ARHGAP6: variants seen among roughly 807,000 people sequenced by gnomAD.
The protein encoded by ARHGAP6 is rho GTPase-activating protein 6.
A neutral mutation model predicts 55.7 loss-of-function variants in ARHGAP6; 16 were observed. The observed-to-expected ratio is 0.29, with a 90% CI of 0.19 to 0.44. The LOEUF is 0.44. Ranked by LOEUF, ARHGAP6 falls within the 20% of genes least tolerant of loss-of-function variation. The probability of loss-of-function intolerance (pLI) is 1.00; values close to 1 mark genes in which losing one functional copy is unlikely to be tolerated. For synonymous variants in ARHGAP6, 382 were observed against 360.9 expected, an observed-to-expected ratio of 1.06 and a Z score of -0.66; for missense variants, 698 against 808.9, an observed-to-expected ratio of 0.86 and a Z score of 1.66.
At chrX:11,612,981 A>G (rs759244449) in intron 1 of ARHGAP6, among the ~76,000 whole-genome samples, 40 of 113,109 alleles carry the variant, frequency 3.5e-4, no homozygotes, top group African/African-American at 1.2e-3. Context: ...TAAAATGCCC[A>G]TAATTTATTG....
At chrX:11,428,344 C>A (rs67459853) in intron 1 of ARHGAP6, among the ~76,000 whole-genome samples, 9,230 of 111,319 alleles carry the variant, frequency 0.083, 421 homozygotes, top group African/African-American at 0.17. Flanking sequence ...CTTAGGGTGA[C>A]CCGAGTTCCA....
intron 1 of ARHGAP6, among the ~76,000 whole-genome samples, chrX:11,470,097 T>C: frequency 8.9e-6 from 1 of 112,131 alleles, no homozygotes; most frequent in South Asian, 3.8e-4. Flanking sequence ...CTAGCACAGT[T>C]AACCAAATAC....
chrX:11,431,490 A>G (rs1454872477), intron 1 of ARHGAP6, among the ~76,000 whole-genome samples: 1 of 112,510 alleles, frequency 8.9e-6, no homozygotes, highest in African/African-American at 3.2e-5. Flanking sequence ...AGCAAATTCA[A>G]CTTCAGAGTG....
At chrX:11,640,599 A>G (rs1273775328) in intron 1 of ARHGAP6, among the ~76,000 whole-genome samples, 2 of 111,613 alleles carry the variant, frequency 1.8e-5, no homozygotes, top group Non-Finnish European at 3.8e-5. Context: ...GCTTTATCCT[A>G]TAACTGGGAC....
chrX:11,310,489 T>C (rs1475932887), intron 1 of ARHGAP6, among the ~76,000 whole-genome samples: 2 of 111,587 alleles, frequency 1.8e-5, no homozygotes, highest in African/African-American at 3.3e-5. Context: ...ATCCCTACAA[T>C]AGAATATTAT....
At chrX:11,275,187 CTCT>C (rs1347602783) in intron 1 of ARHGAP6, among the ~76,000 whole-genome samples, 1 of 111,465 alleles carries the variant, frequency 9.0e-6, no homozygotes, top group Non-Finnish European at 1.9e-5. Context: ...CTATATGTAT[CTCT>C]TGACTATTAT....
intron 1 of ARHGAP6, among the ~76,000 whole-genome samples, chrX:11,362,304 A>G (rs1203032777): frequency 6.5e-4 from 73 of 111,491 alleles, no homozygotes; most frequent in African/African-American, 2.2e-3. Context: ...GCACATATAC[A>G]CCATGGAATA....
chrX:11,653,380 A>G (rs759978905), intron 1 of ARHGAP6, among the ~76,000 whole-genome samples: 1 of 112,194 alleles, frequency 8.9e-6, no homozygotes, highest in Non-Finnish European at 1.9e-5. Context: ...CATGAAAACT[A>G]TACCTTATTT....
chrX:11,569,629 A>T (rs2051488451), intron 1 of ARHGAP6, among the ~76,000 whole-genome samples: 1 of 111,838 alleles, frequency 8.9e-6, no homozygotes, highest in Non-Finnish European at 1.9e-5. Context: ...GGATGGGTGG[A>T]TGTCTGCACC....
intron 1 of ARHGAP6, among the ~76,000 whole-genome samples, chrX:11,291,879 G>C (rs2047999912): frequency 9.0e-6 from 1 of 111,643 alleles, no homozygotes; most frequent in Non-Finnish European, 1.9e-5. Flanking sequence ...TGATTGGAAG[G>C]TCTTACCTTT....
chrX:11,491,168 T>C (rs1475755336), intron 1 of ARHGAP6, among the ~76,000 whole-genome samples: 1 of 112,351 alleles, frequency 8.9e-6, no homozygotes, highest in Non-Finnish European at 1.9e-5. Flanking sequence ...TATTTAACAG[T>C]GCAATAATAA....
intron 2 of ARHGAP6, among the ~76,000 whole-genome samples, chrX:11,235,333 C>A (rs1399576580): frequency 8.9e-6 from 1 of 112,909 alleles, no homozygotes; most frequent in Non-Finnish European, 1.9e-5. Context: ...GCAGCTGGAA[C>A]TCAGGGCACC....
intron 1 of ARHGAP6, among the ~76,000 whole-genome samples, chrX:11,531,145 G>A (rs1000869159): frequency 2.7e-5 from 3 of 111,013 alleles, no homozygotes; most frequent in Non-Finnish European, 5.7e-5. Context: ...TCCAGGAGGC[G>A]GATCTAGTCT....
chrX:11,473,900 T>C (rs2050376837), intron 1 of ARHGAP6, among the ~76,000 whole-genome samples: 1 of 111,508 alleles, frequency 9.0e-6, no homozygotes, highest in Admixed American at 9.5e-5. Context: ...CTCCAGCAGC[T>C]TGACCTTCTG....
intron 1 of ARHGAP6, among the ~76,000 whole-genome samples, chrX:11,619,940 T>C (rs1020556057): frequency 8.9e-6 from 1 of 112,117 alleles, no homozygotes; most frequent in African/African-American, 3.2e-5. Flanking sequence ...TCCCTCACAG[T>C]CTTCACTGTC....
intron 1 of ARHGAP6, among the ~76,000 whole-genome samples, chrX:11,297,445 A>C (rs182609965): frequency 1.3e-4 from 15 of 112,275 alleles, no homozygotes; most frequent in Non-Finnish European, 5.6e-5. Context: ...CATATTTCAA[A>C]ATATTGTTTG....
chrX:11,532,161 A>T (rs749132977), intron 1 of ARHGAP6, among the ~76,000 whole-genome samples: 1 of 112,091 alleles, frequency 8.9e-6, no homozygotes, highest in East Asian at 2.8e-4. Flanking sequence ...ATACAATTCC[A>T]TTCATTCATT....
intron 1 of ARHGAP6, among the ~76,000 whole-genome samples, chrX:11,346,922 A>AAAAC (rs762899705): frequency 0.18 from 19,662 of 108,209 alleles, 1,536 homozygotes; most frequent in Middle Eastern, 0.27. Flanking sequence ...TTTCTCTTGA[A>AAAAC]AAACAAACAA....
At chrX:11,623,592 G>A in intron 1 of ARHGAP6, among the ~76,000 whole-genome samples, 1 of 107,537 alleles carries the variant, frequency 9.3e-6, no homozygotes, top group East Asian at 2.9e-4. Context: ...AGCTACTCAG[G>A]AGGCTGAGGC....
Sources: allele counts gnomAD v4.1 joint callset (sites outside exome capture counted in the v4.1 genomes callset), GRCh38; gene constraint gnomAD v4.1.1; transcripts MANE v1.5; gene names NCBI Gene and HGNC (gene_info 2026-07-23, HGNC 2026-07-21).